Variants in MACF1 observed in about 807,000 individuals in gnomAD.
The protein encoded by MACF1 is microtubule-actin cross-linking factor 1.
In MACF1, 193 loss-of-function variants were observed where a neutral mutation model predicts 854.8. The observed-to-expected ratio is 0.23, with a 90% CI of 0.20 to 0.25. The LOEUF is 0.25. MACF1 is among the 10% of genes least tolerant of loss of function. The probability of loss-of-function intolerance (pLI) is 1.00; values close to 1 mark genes in which losing one functional copy is unlikely to be tolerated. For missense variants in MACF1, 7,722 were observed against 8,929.1 expected, an observed-to-expected ratio of 0.86 and a Z score of 5.45; for synonymous variants, 3,185 against 3,226.7, an observed-to-expected ratio of 0.99 and a Z score of 0.44.
Position 39,084,533 on chromosome 1 carries a change from C to A in MACF1, c.220+95C>A. 1.0e-6 allele frequency: 1 copy of A among 987,898 alleles called. No individual in the cohort carries two copies. The highest frequency in any genetic ancestry group is 1.5e-6 in the Non-Finnish European group (1 of 661,290). The allele number at this position is 987,898 out of a possible 1,614,324, so 61.2% of individuals were successfully genotyped here. A position where few individuals can be genotyped will look rare whatever the true frequency, so the allele number is the denominator to read the frequency against. ...GTGTGGGGAGCCGAGGGGTCCTCAC[C>A]AGGGCCTCTGACAAAGCAGCCATCA... On this transcript the variant is annotated intron_variant, in intron 2 of 93. Coordinates refer to the MACF1 transcript ENST00000361689. The surrounding 1 kb of genome is among the most constrained non-coding windows in gnomAD (Gnocchi z 5.2).
At chr1:39,179,796 C>G (rs1644080482) in intron 2 of MACF1, among the ~76,000 whole-genome samples, 1 of 151,998 alleles carries the variant, frequency 6.6e-6, no homozygotes, top group Non-Finnish European at 1.5e-5. Context: ...AGGTGGATCA[C>G]TTGAGGTCAG....
intron 2 of MACF1, among the ~76,000 whole-genome samples, chr1:39,239,267 C>G (rs941439843): frequency 2.7e-5 from 4 of 148,854 alleles, no homozygotes; most frequent in African/African-American, 4.9e-5. Flanking sequence ...GGTGACAGAG[C>G]GAGACTCTGT....
At chr1:39,102,740 C>T in intron 2 of MACF1, 1 of 702,360 alleles carries the variant, frequency 1.4e-6, no homozygotes, top group Non-Finnish European at 2.6e-6. Flanking sequence ...TCCCCCATTG[C>T]AGCCTTCTTA....
Position 39,334,594 on chromosome 1 carries a change from C to T in MACF1, c.8006C>T (p.Ala2669Val). 6.2e-7 allele frequency: 1 copy of T among 1,614,054 alleles called. No individual in the cohort carries two copies. Among genetic ancestry groups the T allele is most frequent in the Non-Finnish European group, 8.5e-7 (1 of 1,179,986 alleles). ...VSDKVLTLSQ[A>V]IQLGKVDFAS... The stretch of plus-strand genomic sequence containing the variant: ...GACAAAGTGCTTACATTGTCTCAAG[C>T]AATTCAGCTTGGAAAAGTAGACTTT... The change falls in exon 37 of 101, where the codon GCA (alanine) becomes GTA (valine). Residue 2669 changes from alanine (A) to valine (V), a missense_variant. Physicochemically the swap from Ala to Val is moderately conservative, Grantham distance 64 (BLOSUM62 0). This residue lies in a region of MACF1 where 1,531 missense variants were observed against 1,601.6 expected (regional missense o/e 0.96). Transcript: ENST00000564288.
chr1:39,258,869 C>T (rs1344078821), intron 6 of MACF1, among the ~76,000 whole-genome samples: 3 of 152,118 alleles, frequency 2.0e-5, no homozygotes, highest in Non-Finnish European at 2.9e-5. Flanking sequence ...CAGGTGTCCC[C>T]GAATTCCTGA....
At chr1:39,336,821 G>C (rs71642681) in intron 37 of MACF1, among the ~76,000 whole-genome samples, 168 bp downstream of exon 37, 1 of 152,134 alleles carries the variant, frequency 6.6e-6, no homozygotes, top group African/African-American at 2.4e-5. Flanking sequence ...TCTGTTTGTA[G>C]CAAAGTTGTT....
intron 6 of MACF1, among the ~76,000 whole-genome samples, chr1:39,280,631 G>C (rs1225223948): frequency 6.6e-6 from 1 of 152,110 alleles, no homozygotes; most frequent in Non-Finnish European, 1.5e-5. Context: ...AGGCTAGGGT[G>C]CAGTGGCACA....
intron 2 of MACF1, among the ~76,000 whole-genome samples, chr1:39,153,196 T>C (rs990642125): frequency 2.0e-5 from 3 of 152,162 alleles, no homozygotes; most frequent in African/African-American, 7.2e-5. Context: ...CTTGTTCCAG[T>C]GGAAGGTGAC....
At chr1:39,235,889 T>G (rs745393624) in intron 2 of MACF1, among the ~76,000 whole-genome samples, 2 of 152,166 alleles carry the variant, frequency 1.3e-5, no homozygotes, top group African/African-American at 2.4e-5. Flanking sequence ...CACATGCCAC[T>G]GTGCCTGGCT....
At chr1:39,257,862 AAT>A in intron 5 of MACF1, 72 bp from the exon 6 acceptor site, 1 of 1,075,162 alleles carries the variant, frequency 9.3e-7, no homozygotes, top group South Asian at 1.3e-5. Flanking sequence ...GTAAATCAAT[AAT>A]GAAGTGATGC....
rs778416191 is a variant in MACF1 at position 39,332,566 on chromosome 1, C to A, written c.5978C>A (p.Thr1993Lys). ...LLDKELMETLTSRDEYQTSPP... is the reference protein window; with the variant it reads ...LLDKELMETLKSRDEYQTSPP... ...GATAAAGAGCTGATGGAGACACTAA[C>A]ATCCAGAGATGAGTATCAAACAAGT... Residue 1993 changes from threonine to lysine, a missense_variant, in exon 37 of 101, where the codon ACA becomes AAA. Around this residue, in one of 15 missense-constraint regions of MACF1, gnomAD observed 1,531 missense variants for 1,601.6 expected, o/e 0.96. Coordinates refer to ENST00000564288, the MANE Select transcript of MACF1 (RefSeq NM_001394062.1). 1 of 1,614,136 alleles carries A rather than the reference C, an allele frequency of 6.2e-7. No homozygotes were observed. The highest frequency in any genetic ancestry group is 2.2e-5 in the East Asian group (1 of 44,884).
intron 63 of MACF1, 102 bp from the exon 64 acceptor site, chr1:39,429,140 A>G: frequency 1.6e-6 from 1 of 618,260 alleles, no homozygotes; most frequent in South Asian, 2.2e-5. Flanking sequence ...AAATTAAACT[A>G]GTATTCATCT....
At chr1:39,182,204 TAACTC>T (rs1295742136) in intron 2 of MACF1, among the ~76,000 whole-genome samples, 3 of 150,954 alleles carry the variant, frequency 2.0e-5, no homozygotes, top group South Asian at 2.1e-4. Flanking sequence ...ATATAAAACT[TAACTC>T]AAAGTGGAAC....
At chr1:39,222,215 C>T (rs12029862) in intron 1 of MACF1, among the ~76,000 whole-genome samples, 2,167 of 152,316 alleles carry the variant, frequency 0.014, 82 homozygotes, top group East Asian at 0.14. Context: ...ACCTCTGCCT[C>T]CTGGGCTCAA....
At chr1:39,207,054 A>G (rs1223847751) in intron 1 of MACF1, 1 of 151,886 alleles carries the variant, frequency 6.6e-6, no homozygotes, top group Non-Finnish European at 1.5e-5. Flanking sequence ...GTGCCTAATA[A>G]TAGTAATAAT....
chr1:39,139,627 G>T (rs965863342), intron 2 of MACF1, among the ~76,000 whole-genome samples: 1 of 151,544 alleles, frequency 6.6e-6, no homozygotes, highest in Non-Finnish European at 1.5e-5. Context: ...TCCTGTGCCT[G>T]CATTTTCCTT....
intron 40 of MACF1, among the ~76,000 whole-genome samples, chr1:39,344,022 G>A (rs558998935): frequency 5.1e-4 from 78 of 152,096 alleles, no homozygotes; most frequent in Non-Finnish European, 8.4e-4. Flanking sequence ...GGCTGAGGCA[G>A]GAGAATCACT....
intron 2 of MACF1, chr1:39,102,578 G>C: frequency 1.7e-6 from 1 of 603,228 alleles, no homozygotes; most frequent in Non-Finnish European, 2.9e-6. Flanking sequence ...TAACACATTA[G>C]AGGCGCTGAA....
intron 95 of MACF1, among the ~76,000 whole-genome samples, chr1:39,465,337 A>G (rs771086630): frequency 2.6e-5 from 4 of 152,222 alleles, no homozygotes; most frequent in African/African-American, 4.8e-5. Context: ...AATGGAGGAA[A>G]GTGAAGCTAT....
Sources: gnomAD v4.1 joint callset for allele counts (sites outside exome capture counted in the v4.1 genomes callset) on GRCh38, gnomAD v4.1.1 for gene constraint, gnomAD v4.1.1 regional missense constraint, Gnocchi (gnomAD v3.1) non-coding constraint, MANE v1.5 for transcripts, NCBI Gene and HGNC (gene_info 2026-07-23, HGNC 2026-07-21) for gene names.